Variants in RYR3 observed in about 807,000 individuals in gnomAD.
RYR3 encodes ryanodine receptor 3.
RYR3 carries 207 observed loss-of-function variants against 584.3 expected under a neutral mutation model. The ratio of observed to expected loss-of-function variants is 0.35; its 90% confidence interval spans 0.32 to 0.40. The LOEUF is 0.40. Among genes scored for constraint, RYR3 ranks in the 10% least tolerant of loss-of-function variants. The pLI is 1.00. For synonymous variants in RYR3, 2,416 were observed against 2,248.5 expected, an observed-to-expected ratio of 1.07 and a Z score of -2.11; for missense variants, 5,616 against 6,089.2, an observed-to-expected ratio of 0.92 and a Z score of 2.59.
intron 20 of RYR3, 21 bp downstream of exon 20, chr15:33,624,044 G>T (rs1191519779): frequency 4.6e-6 from 7 of 1,526,832 alleles, no homozygotes; most frequent in Non-Finnish European, 6.4e-6. Context: ...ATTGCCCGCA[G>T]AAGGCAACCA....
chr15:33,455,832 T>TC (rs2047511036), intron 1 of RYR3, among the ~76,000 whole-genome samples: 1 of 152,138 alleles, frequency 6.6e-6, no homozygotes, highest in South Asian at 2.1e-4. Context: ...TTGCACATAA[T>TC]CCCACACTAA....
chr15:33,728,818 A>C, intron 46 of RYR3, 39 bp from the exon 47 acceptor site: 1 of 1,579,772 alleles, frequency 6.3e-7, no homozygotes, highest in Non-Finnish European at 8.6e-7. Context: ...GACTTTGGAG[A>C]CAGGAAAAGG....
At chr15:33,719,205 T>G (rs113577620) in intron 43 of RYR3, among the ~76,000 whole-genome samples, 2 of 152,208 alleles carry the variant, frequency 1.3e-5, no homozygotes, top group African/African-American at 4.8e-5. Flanking sequence ...TGTCCACAAT[T>G]CAGTAATCAA....
chr15:33,473,955 C>T (rs2049152634), intron 2 of RYR3, among the ~76,000 whole-genome samples: 1 of 152,208 alleles, frequency 6.6e-6, no homozygotes, highest in South Asian at 2.1e-4. Context: ...AGTGAGCACA[C>T]CCCTTTCAGT....
At chr15:33,802,390 C>T (rs2163142) in intron 69 of RYR3, among the ~76,000 whole-genome samples, 55,315 of 152,134 alleles carry the variant, frequency 0.36, 10,429 homozygotes, top group South Asian at 0.48. Context: ...TGTTTTCCTC[C>T]TATCTGTAAT....
chr15:33,578,287 G>C (rs773529535), intron 12 of RYR3, among the ~76,000 whole-genome samples: 3 of 152,162 alleles, frequency 2.0e-5, no homozygotes, highest in Non-Finnish European at 4.4e-5. Flanking sequence ...AAATCATTCT[G>C]TTATAAAGAT....
intron 3 of RYR3, among the ~76,000 whole-genome samples, chr15:33,529,282 A>G (rs1000983696): frequency 1.3e-5 from 2 of 152,228 alleles, no homozygotes; most frequent in Admixed American, 6.5e-5. Flanking sequence ...TTTTTGGAAC[A>G]TGATACCACG....
intron 1 of RYR3, among the ~76,000 whole-genome samples, chr15:33,345,170 GA>G (rs1247200696): frequency 2.0e-5 from 3 of 151,920 alleles, no homozygotes; most frequent in Non-Finnish European, 4.4e-5. Context: ...ACAAACTCAG[GA>G]AAAAGAAGAA....
intron 1 of RYR3, among the ~76,000 whole-genome samples, chr15:33,462,831 C>T (rs1360106087): frequency 6.6e-6 from 1 of 152,056 alleles, no homozygotes; most frequent in East Asian, 1.9e-4. Flanking sequence ...GACTCATTAA[C>T]ATTTATGATG....
At chr15:33,746,043 A>C (rs1197209311) in intron 52 of RYR3, 25 bp from the exon 53 acceptor site, 1 of 1,517,998 alleles carries the variant, frequency 6.6e-7, no homozygotes, top group South Asian at 1.2e-5. Flanking sequence ...TGCCAAGGAT[A>C]TTTGAACTGA....
chr15:33,359,493 T>C (rs905526422), intron 1 of RYR3, among the ~76,000 whole-genome samples: 1 of 152,220 alleles, frequency 6.6e-6, no homozygotes, highest in East Asian at 1.9e-4. Flanking sequence ...TGGGATACTC[T>C]TTCCCCAGAT....
chr15:33,499,950 A>G (rs2051813727), intron 2 of RYR3, among the ~76,000 whole-genome samples: 1 of 152,226 alleles, frequency 6.6e-6, no homozygotes, highest in Admixed American at 6.5e-5. Flanking sequence ...GGGAGAAGAA[A>G]GACGTGTTGA....
chr15:33,315,694 C>T lies in RYR3; in HGVS notation c.51+4598C>T, dbSNP rs1011592506. 8.5e-5 allele frequency among the ~76,000 whole-genome samples: 13 copies of T among 152,158 alleles called. No homozygotes were observed. In the East Asian group the frequency reaches 1.2e-3, roughly 14 times the overall value. On this transcript the variant is annotated intron_variant, in intron 1 of 103. Transcript: ENST00000634891. Reference sequence around the variant, plus strand: ...CCCCTCCTTTCCAGGGAAACGTTCCCGGTGAGGTGAGAAGGAGGCTGGATC... The same window carrying T: ...CCCCTCCTTTCCAGGGAAACGTTCCTGGTGAGGTGAGAAGGAGGCTGGATC...
At position 33,413,344 on chromosome 15, in the gene RYR3, C is replaced by A. The variant is rs558453237; in HGVS notation, c.52-60075C>A. Among the ~76,000 whole-genome samples, 3 of 152,302 alleles carry A rather than the reference C, an allele frequency of 2.0e-5. No individual in the cohort carries two copies. In the East Asian group the frequency reaches 5.8e-4, roughly 29 times the overall value. The stretch of plus-strand genomic sequence containing the variant: ...GAAAGATATGCTATAATAAGTGTGA[C>A]TTCCAAAAAGGTGTGAAGAACTCTT... On this transcript the variant is annotated intron_variant, in intron 1 of 103. Transcript: ENST00000634891.
At chr15:33,612,145 T>C (rs2060226102) in intron 18 of RYR3, among the ~76,000 whole-genome samples, 1 of 152,188 alleles carries the variant, frequency 6.6e-6, no homozygotes, top group South Asian at 2.1e-4. Context: ...TAATTATTAA[T>C]ATTTACTTTT....
At chr15:33,355,457 G>A (rs562906532) in intron 1 of RYR3, among the ~76,000 whole-genome samples, 2 of 152,204 alleles carry the variant, frequency 1.3e-5, no homozygotes, top group Admixed American at 6.5e-5. Flanking sequence ...TTTTCCTACT[G>A]TACATGTAAG....
chr15:33,552,699 G>A (rs1051523246), intron 10 of RYR3, among the ~76,000 whole-genome samples: 1 of 152,194 alleles, frequency 6.6e-6, no homozygotes, highest in African/African-American at 2.4e-5. Flanking sequence ...GACGTTGTGT[G>A]GGCAGGGCTT....
chr15:33,607,299 T>C (rs1348853195), intron 18 of RYR3, among the ~76,000 whole-genome samples: 1 of 152,184 alleles, frequency 6.6e-6, no homozygotes, highest in African/African-American at 2.4e-5. Context: ...TAATTGAAGA[T>C]ATGCAGCATC....
chr15:33,734,997 T>C (rs933173775), intron 48 of RYR3, among the ~76,000 whole-genome samples: 1 of 146,584 alleles, frequency 6.8e-6, no homozygotes. Context: ...GGCCGAGAAA[T>C]TGGAATTTTA....
Sources: gnomAD v4.1 joint callset for allele counts (sites outside exome capture counted in the v4.1 genomes callset) on GRCh38, gnomAD v4.1.1 for gene constraint, MANE v1.5 for transcripts, NCBI Gene and HGNC (gene_info 2026-07-23, HGNC 2026-07-21) for gene names.